Variants in DNMT3A observed in about 807,000 individuals in gnomAD.
DNMT3A encodes the protein DNA (cytosine-5)-methyltransferase 3A.
Under a neutral mutation model 117.6 loss-of-function variants are expected in DNMT3A, and 267 were observed. The ratio of observed to expected loss-of-function variants is 2.27; its 90% confidence interval spans 2.05 to 2.51. DNMT3A has a LOEUF of 2.51. Ranked by LOEUF, DNMT3A falls within the 30% of genes most tolerant of loss-of-function variation. The probability of loss-of-function intolerance (pLI) is 0.00; values close to 1 mark genes in which losing one functional copy is unlikely to be tolerated. For missense variants in DNMT3A, 1,029 were observed against 1,260.2 expected, an observed-to-expected ratio of 0.82 and a Z score of 2.78; for synonymous variants, 432 against 474.8, an observed-to-expected ratio of 0.91 and a Z score of 1.17.
chr2:25,231,251 G>C lies in DNMT3A; in HGVS notation c.*3028C>G, dbSNP rs928764795. 6.6e-6 allele frequency: 1 copy of C among 152,300 alleles called. No homozygotes were observed. Among genetic ancestry groups the C allele is most frequent in the Non-Finnish European group, 1.5e-5 (1 of 68,140 alleles). The allele number at this position is 152,300 out of a possible 1,614,324, so 9.4% of individuals were successfully genotyped here. ...CTCCAGGCCCGAAGGACAGAGCCCC[G>C]CGGGAGCAAGGAGGAGCTGGGTGAG... is the stretch of plus-strand genomic sequence containing the variant. On this transcript the variant is annotated 3_prime_UTR_variant, in exon 23 of 23. Transcript: ENST00000321117.
At chr2:25,283,124 A>T (rs1015271720) in intron 3 of DNMT3A, among the ~76,000 whole-genome samples, 31 of 152,112 alleles carry the variant, frequency 2.0e-4, no homozygotes, top group Admixed American at 1.8e-3. Flanking sequence ...GCACTTTGGG[A>T]GGCTGAGGCA....
chr2:25,337,640 T>C lies in DNMT3A; in HGVS notation c.-178+4186A>G, dbSNP rs1031972639. Among the ~76,000 whole-genome samples the C allele has an allele frequency of 1.3e-5, 2 of 152,182 alleles. No individual in the cohort carries two copies. The highest frequency in any genetic ancestry group is 4.8e-5 in the African/African-American group (2 of 41,446). On this transcript the variant is annotated intron_variant, in intron 1 of 22. Coordinates refer to ENST00000321117, the MANE Select transcript of DNMT3A (RefSeq NM_022552.5). The surrounding 1 kb of genome is among the most constrained non-coding windows in gnomAD (Gnocchi z 5.0). Reference sequence around the variant, plus strand: ...CATCCACAGGTGGCGGCACACCACGTACACACACATCATGCACAGACACAT... The same window carrying C: ...CATCCACAGGTGGCGGCACACCACGCACACACACATCATGCACAGACACAT...
Position 25,234,003 on chromosome 2 carries a change from A to G in DNMT3A, c.*276T>C, listed in dbSNP as rs1673041047. 2 of 323,314 alleles carry G rather than the reference A, an allele frequency of 6.2e-6. No homozygotes were observed. Among genetic ancestry groups the G allele is most frequent in the Non-Finnish European group, 1.1e-5 (2 of 180,834 alleles). 20.0% of individuals were successfully genotyped at this position (323,314 alleles called of 1,614,324 possible). A position where few individuals can be genotyped will look rare whatever the true frequency, so the allele number is the denominator to read the frequency against. On this transcript the variant is annotated 3_prime_UTR_variant, in exon 23 of 23. Coordinates refer to ENST00000321117, the MANE Select transcript of DNMT3A (RefSeq NM_022552.5). The surrounding 1 kb of genome is among the most constrained non-coding windows in gnomAD (Gnocchi z 4.5). ...GTAGAAAATAAAAGGTCTGACCGAA[A>G]AAAAAGGGAAGGGGGAGGAAGGGAA...
At chr2:25,325,345 A>T (rs1385438639) in intron 1 of DNMT3A, among the ~76,000 whole-genome samples, 1 of 152,194 alleles carries the variant, frequency 6.6e-6, no homozygotes, top group African/African-American at 2.4e-5. Flanking sequence ...GGTGGCACAG[A>T]GTCCATGTGA....
At position 25,236,340 on chromosome 2, in the gene DNMT3A, T is replaced by C. The variant is rs1673368542; in HGVS notation, c.2479-515A>G. Among the ~76,000 whole-genome samples the C allele has an allele frequency of 1.3e-5, 2 of 152,338 alleles. No individual in the cohort carries two copies. The highest frequency in any genetic ancestry group is 3.9e-4 in the East Asian group (2 of 5,188). On this transcript the variant is annotated intron_variant, in intron 21 of 22. Coordinates refer to ENST00000321117, the MANE Select transcript of DNMT3A (RefSeq NM_022552.5). This position sits in a 1 kb window ranked among gnomAD's most constrained non-coding sequence, Gnocchi z 4.5. ...TCGGCCTCCCAAAGTATTGGGATTA[T>C]AGGCGTGAGCCACCGCACCCGGCCT...
chr2:25,254,336 C>G lies in DNMT3A; in HGVS notation c.640-6084G>C, dbSNP rs1279522956. The stretch of plus-strand genomic sequence containing the variant: ...GTGCAGTGAGGGAGCCCCCCCTCCC[C>G]CTGAGGGCCATCAGAGCAAGCAAAC... On this transcript the variant is annotated intron_variant, in intron 6 of 22. Transcript: ENST00000321117. This position sits in a 1 kb window ranked among gnomAD's most constrained non-coding sequence, Gnocchi z 4.7. Among the ~76,000 whole-genome samples, 1 of 151,986 alleles carries G rather than the reference C, an allele frequency of 6.6e-6. No individual in the cohort carries two copies. The highest frequency in any genetic ancestry group is 1.5e-5 in the Non-Finnish European group (1 of 68,012).
In DNMT3A at chr2:25,300,129, T is replaced by C. The variant is rs938731024; in HGVS notation, c.177+10A>G. The C allele has an allele frequency of 1.2e-6, 2 of 1,612,482 alleles. No homozygotes were observed. Among genetic ancestry groups the C allele is most frequent in the African/African-American group, 1.3e-5 (1 of 74,878 alleles). Reference sequence around the variant, plus strand: ...TGTGCACAGGAGGGTGTGTAGGATGTGACACTCACCGGGGGGTGCTTGCGC... The same window carrying C: ...TGTGCACAGGAGGGTGTGTAGGATGCGACACTCACCGGGGGGTGCTTGCGC... On this transcript the variant is annotated intron_variant, in intron 3 of 22. Coordinates refer to ENST00000321117, the MANE Select transcript of DNMT3A (RefSeq NM_022552.5).
chr2:25,281,573 G>A lies in DNMT3A; in HGVS notation c.448+868C>T. 9.4e-7 allele frequency: 1 copy of A among 1,063,476 alleles called. No homozygotes were observed. The highest frequency in any genetic ancestry group is 1.1e-6 in the Non-Finnish European group (1 of 878,092). 65.9% of individuals were successfully genotyped at this position (1,063,476 alleles called of 1,614,324 possible). A position where few individuals can be genotyped will look rare whatever the true frequency, so the allele number is the denominator to read the frequency against. On this transcript the variant is annotated intron_variant, in intron 4 of 22. Coordinates refer to ENST00000321117, the MANE Select transcript of DNMT3A (RefSeq NM_022552.5). This position sits in a 1 kb window ranked among gnomAD's most constrained non-coding sequence, Gnocchi z 4.8. ...TCATTTCATCATACACGCTTGGAAG[G>A]AAGACTTTTTGAAATTAAAATGCAC... is the stretch of plus-strand genomic sequence containing the variant.
At position 25,229,576 on chromosome 2, in the gene DNMT3A, A is replaced by G. The variant is rs1313879592; in HGVS notation, c.*4703T>C. ...CCTGGCTAGAAACTCGGTTCCCACCAGAATGTTGGCTCTGCCGTGCTCCCG... is the reference window on the plus strand; with the variant it reads ...CCTGGCTAGAAACTCGGTTCCCACCGGAATGTTGGCTCTGCCGTGCTCCCG... On this transcript the variant is annotated 3_prime_UTR_variant, in exon 23 of 23. Transcript: ENST00000321117. 3 of 152,298 alleles carry G rather than the reference A, an allele frequency of 2.0e-5. No homozygotes were observed. The highest frequency in any genetic ancestry group is 1.3e-4 in the Admixed American group (2 of 15,294). The allele number at this position is 152,298 out of a possible 1,614,324, so 9.4% of individuals were successfully genotyped here. A position where few individuals can be genotyped will look rare whatever the true frequency, so the allele number is the denominator to read the frequency against.
intron 1 of DNMT3A, among the ~76,000 whole-genome samples, chr2:25,330,905 C>A (rs1014265886): frequency 6.6e-6 from 1 of 152,134 alleles, no homozygotes. Flanking sequence ...TAATTGGGAA[C>A]AAGAGAGTCA....
intron 6 of DNMT3A, among the ~76,000 whole-genome samples, chr2:25,250,414 C>G (rs1240372526): frequency 6.6e-6 from 1 of 152,230 alleles, no homozygotes; most frequent in Non-Finnish European, 1.5e-5. Context: ...AACCCCCAAA[C>G]AGCTGGGAAA....
Position 25,230,518 on chromosome 2 carries a change from T to C in DNMT3A, c.*3761A>G, listed in dbSNP as rs1339852957. On this transcript the variant is annotated 3_prime_UTR_variant, in exon 23 of 23. Coordinates refer to ENST00000321117, the MANE Select transcript of DNMT3A (RefSeq NM_022552.5). ...CGGAAAGAAAATTCCACAGGGAATA[T>C]GCCTGGCAATTTTCCCTAGGCCTTC... The C allele has an allele frequency of 6.6e-6, 1 of 152,292 alleles. No homozygotes were observed. The highest frequency in any genetic ancestry group is 1.5e-5 in the Non-Finnish European group (1 of 68,094). 9.4% of individuals were successfully genotyped at this position (152,292 alleles called of 1,614,324 possible). A position where few individuals can be genotyped will look rare whatever the true frequency, so the allele number is the denominator to read the frequency against.
chr2:25,257,214 C>G lies in DNMT3A; in HGVS notation c.640-8962G>C, dbSNP rs565897202. Among the ~76,000 whole-genome samples the G allele has an allele frequency of 1.3e-5, 2 of 152,290 alleles. No individual in the cohort carries two copies. The highest frequency in any genetic ancestry group is 2.4e-5 in the African/African-American group (1 of 41,558). On this transcript the variant is annotated intron_variant, in intron 6 of 22. Transcript: ENST00000321117. This position sits in a 1 kb window ranked among gnomAD's most constrained non-coding sequence, Gnocchi z 4.8. ...AGGACTTGTTGCTAAGGAGACCAGT[C>G]GCAGAGAGAGCAACTAAGCAGGGGG... is the stretch of plus-strand genomic sequence containing the variant.
chr2:25,319,214 C>T (rs1414905713), intron 1 of DNMT3A, among the ~76,000 whole-genome samples: 2 of 151,932 alleles, frequency 1.3e-5, no homozygotes, highest in African/African-American at 2.4e-5. Flanking sequence ...CGGGGTTTCA[C>T]CATGTTAGCC....
At position 25,236,012 on chromosome 2, in the gene DNMT3A, CTT is replaced by C. The variant is rs989115907; in HGVS notation, c.2479-189_2479-188del. Reference sequence around the variant, plus strand: ...AGCCTCCACAGACCCCACAGCCTCACTTTTCTTCCTACTTGGAGGTCACCTGG... The same window carrying C: ...AGCCTCCACAGACCCCACAGCCTCACTTCTTCCTACTTGGAGGTCACCTGG... On this transcript the variant is annotated intron_variant, in intron 21 of 22. Coordinates refer to ENST00000321117, the MANE Select transcript of DNMT3A (RefSeq NM_022552.5). This position sits in a 1 kb window ranked among gnomAD's most constrained non-coding sequence, Gnocchi z 4.5. Among the ~76,000 whole-genome samples the C allele has an allele frequency of 6.6e-5, 10 of 152,074 alleles. No homozygotes were observed. The highest frequency in any genetic ancestry group is 1.5e-4 in the Non-Finnish European group (10 of 68,032).
Position 25,257,101 on chromosome 2 carries a change from C to A in DNMT3A, c.640-8849G>T, listed in dbSNP as rs769025828. On this transcript the variant is annotated intron_variant, in intron 6 of 22. Coordinates refer to ENST00000321117, the MANE Select transcript of DNMT3A (RefSeq NM_022552.5). This position sits in a 1 kb window ranked among gnomAD's most constrained non-coding sequence, Gnocchi z 4.8. ...CTTTGTTTTCCTATTCCCTTGCAAT[C>A]CATATGGAGGTTGCAAGCAAATGAC... 2.6e-5 allele frequency among the ~76,000 whole-genome samples: 4 copies of A among 152,196 alleles called. No homozygotes were observed. The highest frequency in any genetic ancestry group is 5.9e-5 in the Non-Finnish European group (4 of 68,046).
rs1217338234 is a variant in DNMT3A, at chr2:25,272,803, C to CTTTTTTTTTTTTTTTTTTT, written c.639+2137_639+2138insAAAAAAAAAAAAAAAAAAA. Among the ~76,000 whole-genome samples, 20 of 130,692 alleles carry CTTTTTTTTTTTTTTTTTTT rather than the reference C, an allele frequency of 1.5e-4. 2 individuals carry two copies. Among genetic ancestry groups the CTTTTTTTTTTTTTTTTTTT allele is most frequent in the Non-Finnish European group, 2.3e-4 (14 of 60,386 alleles). The allele number at this position is 130,692 out of a possible 152,430, so 85.7% of individuals were successfully genotyped here. ...ACCCCCACCCTGTTCTGCACTTTCT[C>CTTTTTTTTTTTTTTTTTTT]TTTTTTTTTTTTTTTTGAGACGGAA... On this transcript the variant is annotated intron_variant, in intron 6 of 22. Coordinates refer to ENST00000321117, the MANE Select transcript of DNMT3A (RefSeq NM_022552.5).
At chr2:25,238,390 C>G (rs903113001) in intron 20 of DNMT3A, among the ~76,000 whole-genome samples, 1 of 152,104 alleles carries the variant, frequency 6.6e-6, no homozygotes, top group Non-Finnish European at 1.5e-5. Context: ...CCTAGTTATA[C>G]CAAGTATACC....
chr2:25,251,343 A>C (rs1675534139), intron 6 of DNMT3A, among the ~76,000 whole-genome samples: 1 of 148,722 alleles, frequency 6.7e-6, no homozygotes, highest in Non-Finnish European at 1.5e-5. Flanking sequence ...AGGCTCTCGC[A>C]TTTGGGCTGC....
Sources: allele counts gnomAD v4.1 joint callset (sites outside exome capture counted in the v4.1 genomes callset), GRCh38; gene constraint gnomAD v4.1.1; non-coding constraint Gnocchi (gnomAD v3.1); transcripts MANE v1.5; gene names NCBI Gene and HGNC (gene_info 2026-07-23, HGNC 2026-07-21).